The following PTPRS variants were observed in gnomAD, a reference collection of about 807,000 sequenced individuals.
The protein encoded by PTPRS is receptor-type tyrosine-protein phosphatase S.
In PTPRS, 63 loss-of-function variants were observed where a neutral mutation model predicts 215.3. That is an observed-to-expected ratio of 0.29 (90% CI 0.24 to 0.36). PTPRS has a LOEUF of 0.36. Ranked by LOEUF, PTPRS falls within the 10% of genes least tolerant of loss-of-function variation. The probability of loss-of-function intolerance (pLI) is 1.00; values close to 1 mark genes in which losing one functional copy is unlikely to be tolerated. For synonymous variants in PTPRS, 1,404 were observed against 1,191.4 expected, an observed-to-expected ratio of 1.18 and a Z score of -3.68; for missense variants, 2,258 against 2,825.8, an observed-to-expected ratio of 0.80 and a Z score of 4.56.
In PTPRS at chr19:5,266,119, C is replaced by T. The variant is rs544727692; in HGVS notation, c.380-923G>A. Among the ~76,000 whole-genome samples the T allele has an allele frequency of 3.7e-4, 56 of 151,962 alleles. No homozygotes were observed. The South Asian group carries it at 6.0e-3, about 16-fold the overall frequency. ...CCATTAAAAACAAAAACTAGCCGGG[C>T]ATGATGGTGCATGCTTGTAATCCCA... On this transcript the variant is annotated intron_variant, in intron 4 of 37. Coordinates refer to ENST00000262963, the MANE Select transcript of PTPRS (RefSeq NM_002850.4).
At chr19:5,308,894 A>C (rs966647695) in intron 1 of PTPRS, among the ~76,000 whole-genome samples, 2 of 152,070 alleles carry the variant, frequency 1.3e-5, no homozygotes, top group African/African-American at 2.4e-5. Context: ...TGTGTATATA[A>C]TTTTGCTCGC....
At chr19:5,225,998 G>T (rs2042459041) in intron 16 of PTPRS, among the ~76,000 whole-genome samples, 154 bp from the exon 17 acceptor site, 1 of 152,066 alleles carries the variant, frequency 6.6e-6, no homozygotes, top group Non-Finnish European at 1.5e-5. Context: ...ACGACACGTG[G>T]CATGGCCATG....
At chr19:5,226,469 G>T (rs1041378813) in intron 16 of PTPRS, among the ~76,000 whole-genome samples, 2 of 151,986 alleles carry the variant, frequency 1.3e-5, no homozygotes, top group African/African-American at 4.8e-5. Context: ...AGTGGCTGAC[G>T]CCTGTAATCC....
intron 1 of PTPRS, among the ~76,000 whole-genome samples, chr19:5,324,767 A>C (rs182082678): frequency 2.7e-4 from 41 of 152,280 alleles, no homozygotes; most frequent in Admixed American, 2.7e-3. Flanking sequence ...GTGCAGATTC[A>C]ACAGGACCAC....
intron 13 of PTPRS, among the ~76,000 whole-genome samples, chr19:5,234,943 CTTTTT>C (rs113097365): frequency 7.3e-6 from 1 of 137,830 alleles, no homozygotes; most frequent in Admixed American, 7.3e-5. Context: ...TTCTTTCTTT[CTTTTT>C]TTTTTTTTTT....
In PTPRS at chr19:5,246,179, AAAAG is replaced by A. The variant is rs1455169532; in HGVS notation, c.719-138_719-135del. 38 of 479,592 alleles carry A rather than the reference AAAAG, an allele frequency of 7.9e-5. No individual in the cohort carries two copies. The Middle Eastern group carries it at 1.7e-3, about 21-fold the overall frequency. The allele number at this position is 479,592 out of a possible 1,614,324, so 29.7% of individuals were successfully genotyped here. A position where few individuals can be genotyped will look rare whatever the true frequency, so the allele number is the denominator to read the frequency against. ...AGAAAGAAAGAAGGAAAGAAAGAAA[AAAAG>A]AAAAAAAAAGGAAAACCATTTAAAT... On this transcript the variant is annotated intron_variant, in intron 9 of 37. Coordinates refer to ENST00000262963, the MANE Select transcript of PTPRS (RefSeq NM_002850.4).
intron 30 of PTPRS, among the ~76,000 whole-genome samples, chr19:5,212,991 A>G (rs186126274): frequency 1.5e-3 from 228 of 152,016 alleles, no homozygotes; most frequent in Non-Finnish European, 2.6e-3. Context: ...CTTCTCCCCA[A>G]ACCTGCTCCC....
rs1207115226 is a variant in PTPRS, at chr19:5,315,350, GGTTTTT to G, written c.-95+25308_-95+25313del. Among the ~76,000 whole-genome samples the G allele has an allele frequency of 1.5e-4, 15 of 101,296 alleles. 1 individual carries two copies. The highest frequency in any genetic ancestry group is 3.7e-4 in the Admixed American group (3 of 8,186). The allele number at this position is 101,296 out of a possible 152,430, so 66.5% of individuals were successfully genotyped here. Reference sequence around the variant, plus strand: ...TCATGGAGAATTTTTATTTGAAAAGGGTTTTTTTTTTTTTTTTTTTTTTTTTTTTTT... The same window carrying G: ...TCATGGAGAATTTTTATTTGAAAAGGTTTTTTTTTTTTTTTTTTTTTTTTT... On this transcript the variant is annotated intron_variant, in intron 1 of 37. Coordinates refer to ENST00000262963, the MANE Select transcript of PTPRS (RefSeq NM_002850.4).
chr19:5,331,128 T>TAAAAAAAAAAA (rs1041351468), intron 1 of PTPRS, among the ~76,000 whole-genome samples: 12 of 100,148 alleles, frequency 1.2e-4, no homozygotes, highest in African/African-American at 4.7e-4. Context: ...CTTCTTTTTT[T>TAAAAAAAAAAA]AAAAAAAAAA....
chr19:5,314,939 C>T (rs988453820), intron 1 of PTPRS, among the ~76,000 whole-genome samples: 1 of 152,194 alleles, frequency 6.6e-6, no homozygotes, highest in Non-Finnish European at 1.5e-5. Context: ...AGATTTGGGA[C>T]TGAGGACAGT....
In PTPRS at chr19:5,216,495, C is replaced by T. The variant is rs183389768; in HGVS notation, c.4096+225G>A. On this transcript the variant is annotated intron_variant, in intron 26 of 37. Coordinates refer to ENST00000262963, the MANE Select transcript of PTPRS (RefSeq NM_002850.4). ...GGTACATACGTGCCTCACCCACATC[C>T]CTGACACACACATACACACCACACA... Among the ~76,000 whole-genome samples, 325 of 152,250 alleles carry T rather than the reference C, an allele frequency of 2.1e-3. 3 individuals carry two copies. The highest frequency in any genetic ancestry group is 3.6e-3 in the Admixed American group (55 of 15,298).
At chr19:5,311,592 A>AT (rs778474007) in intron 1 of PTPRS, among the ~76,000 whole-genome samples, 69 of 152,180 alleles carry the variant, frequency 4.5e-4, no homozygotes, top group Non-Finnish European at 8.2e-4. Flanking sequence ...GGGTGGGGAT[A>AT]TAAGTATCTT....
chr19:5,326,180 G>A (rs891743783), intron 1 of PTPRS, among the ~76,000 whole-genome samples: 3 of 152,226 alleles, frequency 2.0e-5, no homozygotes, highest in African/African-American at 7.2e-5. Flanking sequence ...GCAGTGAGCC[G>A]AGATCGGGCC....
intron 25 of PTPRS, among the ~76,000 whole-genome samples, chr19:5,217,106 A>T (rs1197519548): frequency 6.6e-6 from 1 of 152,218 alleles, no homozygotes; most frequent in African/African-American, 2.4e-5. Context: ...AGGAAGGAGG[A>T]TGCAGGATGG....
chr19:5,258,597 AGGT>A, intron 7 of PTPRS, among the ~76,000 whole-genome samples: 1 of 152,338 alleles, frequency 6.6e-6, no homozygotes, highest in East Asian at 1.9e-4. Context: ...TTGTTTCATT[AGGT>A]GCCCGTGAGT....
chr19:5,283,354 A>G (rs2048036240), intron 2 of PTPRS, among the ~76,000 whole-genome samples: 1 of 152,212 alleles, frequency 6.6e-6, no homozygotes, highest in Non-Finnish European at 1.5e-5. Context: ...AGGTGGGCAG[A>G]CCACCTGAGG....
chr19:5,288,049 CACAG>C (rs2048512500), intron 1 of PTPRS, among the ~76,000 whole-genome samples: 1 of 151,626 alleles, frequency 6.6e-6, no homozygotes, highest in African/African-American at 2.4e-5. Flanking sequence ...AGACCACAAA[CACAG>C]ACAGGCCCAA....
In PTPRS at chr19:5,222,905, C is replaced by G; in HGVS notation, c.2887G>C (p.Val963Leu). The G allele has an allele frequency of 6.4e-7, 1 of 1,571,342 alleles. No individual in the cohort carries two copies. Among genetic ancestry groups the G allele is most frequent in the South Asian group, 1.1e-5 (1 of 87,904 alleles). The change falls in exon 18 of 38, where the codon GTC (valine) becomes CTC (leucine). Residue 963 changes from valine (V) to leucine (L), a missense_variant. Physicochemically the swap from Val to Leu is conservative, Grantham distance 32 (BLOSUM62 1). Transcript: ENST00000262963. ...PVPAERNGAI[V>L]KYTVAVREAG... ...TCCCGCACGGCCACCGTGTATTTGA[C>G]GATGGCCCCGTTGCGCTCGGCGGGC... is the stretch of plus-strand genomic sequence containing the variant.
At position 5,287,673 on chromosome 19, in the gene PTPRS, A is replaced by T. The variant is rs1231870357; in HGVS notation, c.-94-1439T>A. On this transcript the variant is annotated intron_variant, in intron 1 of 37. Transcript: ENST00000262963. This position sits in a 1 kb window ranked among gnomAD's most constrained non-coding sequence, Gnocchi z 4.8. ...ACTCCCAAAATACCCAGCTGCGGTC[A>T]CCTCGCCCAGCCCTGGGGCGGTCCC... Among the ~76,000 whole-genome samples, 1 of 151,850 alleles carries T rather than the reference A, an allele frequency of 6.6e-6. No individual in the cohort carries two copies. Among genetic ancestry groups the T allele is most frequent in the African/African-American group, 2.4e-5 (1 of 41,324 alleles).
Sources: allele counts gnomAD v4.1 joint callset (sites outside exome capture counted in the v4.1 genomes callset), GRCh38; gene constraint gnomAD v4.1.1; non-coding constraint Gnocchi (gnomAD v3.1); transcripts MANE v1.5; gene names NCBI Gene and HGNC (gene_info 2026-07-23, HGNC 2026-07-21).